The following TP53AIP1 variants were observed in gnomAD, a reference collection of about 807,000 sequenced individuals.
TP53AIP1 encodes the protein tumor protein p53 regulated apoptosis inducing protein 1, also known as p53-regulated apoptosis-inducing protein 1.
TP53AIP1 carries 14 observed loss-of-function variants against 9.5 expected under a neutral mutation model. That is an observed-to-expected ratio of 1.47 (90% CI 0.97 to 2.30). The LOEUF is 2.30. Among genes scored for constraint, TP53AIP1 ranks in the 30% most tolerant of loss-of-function variants. The probability of loss-of-function intolerance (pLI) is 0.00; values close to 1 mark genes in which losing one functional copy is unlikely to be tolerated. For missense variants in TP53AIP1, 153 were observed against 146.7 expected, an observed-to-expected ratio of 1.04 and a Z score of -0.22; for synonymous variants, 73 against 61.2, an observed-to-expected ratio of 1.19 and a Z score of -0.90.
chr11:128,940,167 C>T (rs1399136477), intron 1 of TP53AIP1, among the ~76,000 whole-genome samples: 1 of 152,224 alleles, frequency 6.6e-6, no homozygotes, highest in African/African-American at 2.4e-5. Context: ...GGAGCCCCTG[C>T]ACAGGAACCC....
In TP53AIP1 at chr11:128,939,200, C is replaced by T. The variant is rs934921057; in HGVS notation, c.-76-1306G>A. Among the ~76,000 whole-genome samples the T allele has an allele frequency of 2.0e-5, 3 of 152,170 alleles. No individual in the cohort carries two copies. Among genetic ancestry groups the T allele is most frequent in the African/African-American group, 7.2e-5 (3 of 41,438 alleles). ...TGAGCCCAAAGGTCACGTTCTTTCC[C>T]TGCGGCTCCCTTCCCCATCTGGTTC... On this transcript the variant is annotated intron_variant, in intron 1 of 3. Transcript: ENST00000531399. This position sits in a 1 kb window ranked among gnomAD's most constrained non-coding sequence, Gnocchi z 4.1.
intron 1 of TP53AIP1, among the ~76,000 whole-genome samples, chr11:128,938,803 C>G (rs2136023327): frequency 6.6e-6 from 1 of 152,268 alleles, no homozygotes; most frequent in South Asian, 2.1e-4. Flanking sequence ...GAGACAGCGG[C>G]TCTCCACACA....
intron 1 of TP53AIP1, among the ~76,000 whole-genome samples, chr11:128,938,171 C>T (rs1482906151): frequency 6.6e-6 from 1 of 152,204 alleles, no homozygotes; most frequent in Non-Finnish European, 1.5e-5. Context: ...ATTAACTAGG[C>T]ATTAACTAGA....
rs1192447840 is a variant in TP53AIP1, at chr11:128,937,206, T to C, written c.141+472A>G. The C allele has an allele frequency of 2.5e-6, 3 of 1,194,340 alleles. No homozygotes were observed. The highest frequency in any genetic ancestry group is 4.0e-5 in the East Asian group (1 of 25,036). The allele number at this position is 1,194,340 out of a possible 1,614,324, so 74.0% of individuals were successfully genotyped here. A position where few individuals can be genotyped will look rare whatever the true frequency, so the allele number is the denominator to read the frequency against. On this transcript the variant is annotated intron_variant, in intron 2 of 3. Coordinates refer to ENST00000531399, the MANE Select transcript of TP53AIP1 (RefSeq NM_022112.3). The surrounding 1 kb of genome is among the most constrained non-coding windows in gnomAD (Gnocchi z 4.8). ...ATTATTGGCCACAGGAAACGACTTC[T>C]TGGAGTAAGTGACTGGTGCTCCGAG...
chr11:128,935,829 A>G (rs1177272362), intron 3 of TP53AIP1, 117 bp from the exon 4 acceptor site: 1 of 1,383,234 alleles, frequency 7.2e-7, no homozygotes. Flanking sequence ...CAGTGAATCT[A>G]AAACACAATC....
At chr11:128,940,648 A>G (rs1944922770) in intron 1 of TP53AIP1, among the ~76,000 whole-genome samples, 1 of 152,214 alleles carries the variant, frequency 6.6e-6, no homozygotes, top group South Asian at 2.1e-4. Flanking sequence ...CTGTGGGAAG[A>G]TACATTTCTG....
intron 1 of TP53AIP1, among the ~76,000 whole-genome samples, 170 bp downstream of exon 1, chr11:128,942,624 G>C: frequency 6.6e-6 from 1 of 152,332 alleles, no homozygotes; most frequent in East Asian, 1.9e-4. Context: ...TTGAGAGAGA[G>C]CAGTTTAGCT....
chr11:128,941,782 G>A (rs1454147164), intron 1 of TP53AIP1, among the ~76,000 whole-genome samples: 1 of 152,188 alleles, frequency 6.6e-6, no homozygotes, highest in African/African-American at 2.4e-5. Flanking sequence ...TGGTCTGCTG[G>A]GACCCAGTGG....
chr11:128,935,526 G>A lies in TP53AIP1; in HGVS notation c.*65C>T, dbSNP rs766564272. On this transcript the variant is annotated 3_prime_UTR_variant, in exon 4 of 4. Coordinates refer to ENST00000531399, the MANE Select transcript of TP53AIP1 (RefSeq NM_022112.3). ...GACGGTGCTTTCTGTTTGTTTGTTT[G>A]TTTTTGTTTTGAGATGGAGTCTCTC... 28 of 1,513,428 alleles carry A rather than the reference G, an allele frequency of 1.9e-5. No homozygotes were observed. Among genetic ancestry groups the A allele is most frequent in the Non-Finnish European group, 2.4e-5 (27 of 1,136,510 alleles). 93.7% of individuals were successfully genotyped at this position (1,513,428 alleles called of 1,614,324 possible). A position where few individuals can be genotyped will look rare whatever the true frequency, so the allele number is the denominator to read the frequency against.
At position 128,937,554 on chromosome 11, in the gene TP53AIP1, C is replaced by T. The variant is rs1944852066; in HGVS notation, c.141+124G>A. On this transcript the variant is annotated intron_variant, in intron 2 of 3. Coordinates refer to ENST00000531399, the MANE Select transcript of TP53AIP1 (RefSeq NM_022112.3). This position sits in a 1 kb window ranked among gnomAD's most constrained non-coding sequence, Gnocchi z 4.8. ...CAGTCCGCATGCAGCTCTGAGGACC[C>T]AGATGCTGTCACTGGGTCCTGGTGA... The T allele has an allele frequency of 6.2e-7, 1 of 1,613,928 alleles. No individual in the cohort carries two copies. Among genetic ancestry groups the T allele is most frequent in the Non-Finnish European group, 8.5e-7 (1 of 1,180,016 alleles).
At position 128,935,471 on chromosome 11, in the gene TP53AIP1, G is replaced by A; in HGVS notation, c.*120C>T. 6.9e-7 allele frequency: 1 copy of A among 1,440,746 alleles called. No homozygotes were observed. Among genetic ancestry groups the A allele is most frequent in the Non-Finnish European group, 9.1e-7 (1 of 1,102,154 alleles). The allele number at this position is 1,440,746 out of a possible 1,614,324, so 89.2% of individuals were successfully genotyped here. A position where few individuals can be genotyped will look rare whatever the true frequency, so the allele number is the denominator to read the frequency against. ...CAGTGGTCAAGGGGGGAAATGAGGT[G>A]GCCGCTAGTCAGCGCTGGAGCCATT... On this transcript the variant is annotated 3_prime_UTR_variant, in exon 4 of 4. Transcript: ENST00000531399.
In TP53AIP1 at chr11:128,935,523, T is replaced by TTTG. The variant is rs942039278; in HGVS notation, c.*65_*67dup. The TTTG allele has an allele frequency of 9.4e-5, 142 of 1,512,684 alleles. No homozygotes were observed. Among genetic ancestry groups the TTTG allele is most frequent in the Non-Finnish European group, 1.2e-4 (133 of 1,136,198 alleles). The allele number at this position is 1,512,684 out of a possible 1,614,324, so 93.7% of individuals were successfully genotyped here. A position where few individuals can be genotyped will look rare whatever the true frequency, so the allele number is the denominator to read the frequency against. On this transcript the variant is annotated 3_prime_UTR_variant, in exon 4 of 4. Coordinates refer to ENST00000531399, the MANE Select transcript of TP53AIP1 (RefSeq NM_022112.3). ...CTCGACGGTGCTTTCTGTTTGTTTG[T>TTTG]TTGTTTTTGTTTTGAGATGGAGTCT...
chr11:128,941,209 G>A (rs910442922), intron 1 of TP53AIP1, among the ~76,000 whole-genome samples: 4 of 152,196 alleles, frequency 2.6e-5, no homozygotes, highest in African/African-American at 9.7e-5. Flanking sequence ...ACAGCTCCTG[G>A]GGAAAGCCCA....
Position 128,935,666 on chromosome 11 carries a change from C to A in TP53AIP1, c.300G>T (p.Val100=). 1 of 1,587,552 alleles carries A rather than the reference C, an allele frequency of 6.3e-7. No individual in the cohort carries two copies. Among genetic ancestry groups the A allele is most frequent in the Non-Finnish European group, 8.5e-7 (1 of 1,174,672 alleles). ...CTGACCCCAGTGGCCTGTCTCTAAG[C>A]ACTGTGGCTCCAGGAAGGAAAGGCC... ...LSRPFLPGAT[V]LRDRPLGSAF... is the part of the protein sequence containing the mutation. Residue 100 remains valine (V), a synonymous_variant, in exon 4 of 4, where the codon GTG becomes GTT. Transcript: ENST00000531399.
chr11:128,938,719 G>A (rs552130337), intron 1 of TP53AIP1, among the ~76,000 whole-genome samples: 121 of 152,238 alleles, frequency 7.9e-4, no homozygotes, highest in African/African-American at 1.5e-3. Context: ...GGCAGGCCCC[G>A]TCCTTGACAG....
intron 3 of TP53AIP1, 90 bp downstream of exon 3, chr11:128,936,448 T>C: frequency 6.9e-7 from 1 of 1,440,478 alleles, no homozygotes; most frequent in South Asian, 1.5e-5. Flanking sequence ...AAAAACCCTA[T>C]GTCGTTACCT....
Position 128,937,371 on chromosome 11 carries a change from G to C in TP53AIP1, c.141+307C>G. On this transcript the variant is annotated intron_variant, in intron 2 of 3. Transcript: ENST00000531399. The surrounding 1 kb of genome is among the most constrained non-coding windows in gnomAD (Gnocchi z 4.8). ...ATTTAGCTCTCACTTTCTGGATGCA[G>C]CCAGGCACCACCTTCCTTCCAAAAG... 1.4e-6 allele frequency: 2 copies of C among 1,424,288 alleles called. No individual in the cohort carries two copies. The highest frequency in any genetic ancestry group is 3.1e-5 in the South Asian group (2 of 64,306). 88.2% of individuals were successfully genotyped at this position (1,424,288 alleles called of 1,614,324 possible). A position where few individuals can be genotyped will look rare whatever the true frequency, so the allele number is the denominator to read the frequency against.
At chr11:128,936,142 G>T (rs1268612298) in intron 3 of TP53AIP1, 1 of 1,022,124 alleles carries the variant, frequency 9.8e-7, no homozygotes, top group Non-Finnish European at 1.2e-6. Context: ...AAGTGGTAGA[G>T]TCAGGATTTG....
downstream of TP53AIP1, chr11:128,935,104 A>C (rs1325307823): frequency 1.4e-6 from 1 of 709,742 alleles, no homozygotes. Flanking sequence ...GGAACGTGTC[A>C]GCAGGAATGA....
Sources: gnomAD v4.1 joint callset for allele counts (sites outside exome capture counted in the v4.1 genomes callset) on GRCh38, gnomAD v4.1.1 for gene constraint, Gnocchi (gnomAD v3.1) non-coding constraint, MANE v1.5 for transcripts, NCBI Gene and HGNC (gene_info 2026-07-23, HGNC 2026-07-21) for gene names.